The following MED9 variants were observed in gnomAD, a reference collection of about 807,000 sequenced individuals.
The protein encoded by MED9 is mediator of RNA polymerase II transcription subunit 9.
A neutral mutation model predicts 13.2 loss-of-function variants in MED9; 8 were observed. That is an observed-to-expected ratio of 0.61 (90% CI 0.36 to 1.10). MED9 has a LOEUF of 1.10. MED9 is among the 50% of genes least tolerant of loss of function. The pLI is 0.02. For missense variants in MED9, 180 were observed against 193.4 expected (o/e 0.93, Z 0.41); for synonymous variants, 87 against 82.8 (o/e 1.05, Z -0.28).
At chr17:17,485,199 A>T (rs1310410495) in intron 1 of MED9, 2 of 376,684 alleles carry the variant, frequency 5.3e-6, no homozygotes, top group Non-Finnish European at 9.4e-6. Context: ...ACAAAAAAAA[A>T]TTGTATTTTT....
Position 17,491,423 on chromosome 17 carries a change from G to A in MED9, c.369G>A (p.Glu123=). 6.2e-7 allele frequency: 1 copy of A among 1,614,106 alleles called. No individual in the cohort carries two copies. The highest frequency in any genetic ancestry group is 8.5e-7 in the Non-Finnish European group (1 of 1,180,040). ...QQQQQLQSLR[E]QVRTKNELLQ... is the part of the protein sequence containing the mutation. ...AGCAGCAGCTGCAGAGCCTCCGGGA[G>A]CAAGTCAGGACCAAGAATGAGCTTC... The change falls in exon 2 of 2, where the codon GAG becomes GAA. Residue 123 remains glutamate (E), a synonymous_variant. Transcript: ENST00000268711.
At chr17:17,489,479 T>C (rs1004827048) in intron 1 of MED9, among the ~76,000 whole-genome samples, 1 of 152,228 alleles carries the variant, frequency 6.6e-6, no homozygotes, top group African/African-American at 2.4e-5. Flanking sequence ...CTCATGTGAG[T>C]CGGTTTTTTT....
At chr17:17,478,156 C>T (rs1476941699) in intron 1 of MED9, among the ~76,000 whole-genome samples, 4 of 152,192 alleles carry the variant, frequency 2.6e-5, no homozygotes, top group Admixed American at 2.6e-4. Context: ...CCATGGCACC[C>T]AGCGAATTTT....
rs768928876 is a variant in MED9, at chr17:17,491,591, C to G, written c.*96C>G. 3.4e-6 allele frequency: 4 copies of G among 1,191,166 alleles called. No individual in the cohort carries two copies. The highest frequency in any genetic ancestry group is 2.3e-4 in the Middle Eastern group (1 of 4,324). 73.8% of individuals were successfully genotyped at this position (1,191,166 alleles called of 1,614,324 possible). Reference sequence around the variant, plus strand: ...CCTTGGGGCGTGGTTCCTGTGGACCCCAGCTCAGCTCGTCAAGCTGCAGGG... The same window carrying G: ...CCTTGGGGCGTGGTTCCTGTGGACCGCAGCTCAGCTCGTCAAGCTGCAGGG... On this transcript the variant is annotated 3_prime_UTR_variant, in exon 2 of 2. Transcript: ENST00000268711.
chr17:17,489,458 G>T (rs1266087017), intron 1 of MED9, among the ~76,000 whole-genome samples: 1 of 152,136 alleles, frequency 6.6e-6, no homozygotes, highest in Non-Finnish European at 1.5e-5. Flanking sequence ...GTTTTACCAT[G>T]TCCTTTGAGA....
chr17:17,484,819 C>A (rs553460089), intron 1 of MED9, among the ~76,000 whole-genome samples: 1 of 152,192 alleles, frequency 6.6e-6, no homozygotes, highest in Non-Finnish European at 1.5e-5. Flanking sequence ...CAGGCCTTCG[C>A]GAGTCAGCAC....
At chr17:17,484,239 T>C (rs1229169363) in intron 1 of MED9, among the ~76,000 whole-genome samples, 1 of 152,214 alleles carries the variant, frequency 6.6e-6, no homozygotes, top group Non-Finnish European at 1.5e-5. Flanking sequence ...TCTGTCGACA[T>C]TGGGTACTTT....
chr17:17,484,038 T>C (rs1347583007), intron 1 of MED9, among the ~76,000 whole-genome samples: 2 of 152,118 alleles, frequency 1.3e-5, no homozygotes, highest in African/African-American at 4.8e-5. Flanking sequence ...TATATATAGA[T>C]GCTACATTTT....
intron 1 of MED9, among the ~76,000 whole-genome samples, chr17:17,479,449 C>T (rs908519557): frequency 6.6e-6 from 1 of 151,656 alleles, no homozygotes; most frequent in Non-Finnish European, 1.5e-5. Context: ...CAGGAGTGTA[C>T]CTGTGAAACA....
chr17:17,488,841 A>G (rs559153133), intron 1 of MED9, among the ~76,000 whole-genome samples: 11,487 of 152,118 alleles, frequency 0.076, 874 homozygotes, highest in African/African-American at 0.2. Flanking sequence ...CAAAAAAAAA[A>G]AAGAAAAAAA....
chr17:17,488,749 C>T (rs190036400), intron 1 of MED9, among the ~76,000 whole-genome samples: 1 of 152,236 alleles, frequency 6.6e-6, no homozygotes, highest in Non-Finnish European at 1.5e-5. Flanking sequence ...AGGAGAATCA[C>T]TTGAACCCGG....
chr17:17,484,727 C>G lies in MED9; in HGVS notation c.225-6552C>G, dbSNP rs557994321. On this transcript the variant is annotated intron_variant, in intron 1 of 1. Transcript: ENST00000268711. ...TCCAGTCTGCCTAAAAGCCTCTTCA[C>G]TCCTCTGCCATGTCATTTCCATCCA... is the stretch of plus-strand genomic sequence containing the variant. Among the ~76,000 whole-genome samples, 3 of 152,378 alleles carry G rather than the reference C, an allele frequency of 2.0e-5. No homozygotes were observed. In the East Asian group the frequency reaches 5.8e-4, roughly 29 times the overall value.
intron 1 of MED9, among the ~76,000 whole-genome samples, chr17:17,488,572 G>A (rs561262811): frequency 2.0e-5 from 3 of 152,208 alleles, no homozygotes; most frequent in African/African-American, 2.4e-5. Flanking sequence ...GGTGGCTTAC[G>A]CCTGTAATCC....
rs1567641887 is a variant in MED9 at position 17,492,710 on chromosome 17, C to T, written c.*1215C>T. On this transcript the variant is annotated 3_prime_UTR_variant, in exon 2 of 2. Transcript: ENST00000268711. ...TATTGTTTGGGTCTCGGAATGGGCG[C>T]ATAACCTGCGCTGACCAGTTTAGGG... The T allele has an allele frequency of 1.3e-5, 2 of 152,266 alleles. No individual in the cohort carries two copies. Among genetic ancestry groups the T allele is most frequent in the Non-Finnish European group, 1.5e-5 (1 of 68,068 alleles). The allele number at this position is 152,266 out of a possible 1,614,324, so 9.4% of individuals were successfully genotyped here. A position where few individuals can be genotyped will look rare whatever the true frequency, so the allele number is the denominator to read the frequency against.
At chr17:17,479,035 A>C (rs2142469046) in intron 1 of MED9, among the ~76,000 whole-genome samples, 1 of 152,318 alleles carries the variant, frequency 6.6e-6, no homozygotes, top group East Asian at 1.9e-4. Flanking sequence ...AAAATGTGGA[A>C]AAATGAAAAC....
Position 17,492,330 on chromosome 17 carries a change from T to TA in MED9, c.*835_*836insA, listed in dbSNP as rs1905252787. On this transcript the variant is annotated 3_prime_UTR_variant, in exon 2 of 2. Transcript: ENST00000268711. ...GAAGAGGTCTTCAGGCGAACCGACC[T>TA]TCCCCCTTCTGGCATTTCAGATTCC... 1 of 152,312 alleles carries TA rather than the reference T, an allele frequency of 6.6e-6. No individual in the cohort carries two copies. The highest frequency in any genetic ancestry group is 1.5e-5 in the Non-Finnish European group (1 of 68,084). The allele number at this position is 152,312 out of a possible 1,614,324, so 9.4% of individuals were successfully genotyped here. A position where few individuals can be genotyped will look rare whatever the true frequency, so the allele number is the denominator to read the frequency against.
At chr17:17,488,533 T>TA (rs1235722506) in intron 1 of MED9, among the ~76,000 whole-genome samples, 3 of 152,096 alleles carry the variant, frequency 2.0e-5, no homozygotes, top group Non-Finnish European at 4.4e-5. Context: ...GTCCACTCTT[T>TA]AAAAAAACCA....
chr17:17,486,052 A>G (rs1316687008), intron 1 of MED9: 1 of 115,018 alleles, frequency 8.7e-6, no homozygotes, highest in Non-Finnish European at 2.3e-5. Context: ...AATCTACATC[A>G]GTACAGTTTT....
At chr17:17,480,610 C>T (rs572051114) in intron 1 of MED9, among the ~76,000 whole-genome samples, 15 of 152,184 alleles carry the variant, frequency 9.9e-5, no homozygotes, top group Admixed American at 2.0e-4. Flanking sequence ...GAGCCATGAT[C>T]GCACTGCTAC....
Sources: gnomAD v4.1 joint callset for allele counts (sites outside exome capture counted in the v4.1 genomes callset) on GRCh38, gnomAD v4.1.1 for gene constraint, MANE v1.5 for transcripts, NCBI Gene and HGNC (gene_info 2026-07-23, HGNC 2026-07-21) for gene names.